Variants in DENND2C observed in about 807,000 individuals in gnomAD.
DENND2C encodes DENN domain containing 2C, also known as DENN domain-containing protein 2C.
In DENND2C, 72 loss-of-function variants were observed where a neutral mutation model predicts 112.4. That is an observed-to-expected ratio of 0.64 (90% confidence interval 0.53 to 0.78). The LOEUF is 0.78. Among genes scored for constraint, DENND2C ranks in the 30% least tolerant of loss-of-function variants. The pLI, the probability that DENND2C is intolerant of heterozygous loss-of-function variation, is 0.00. For missense variants in DENND2C, 992 were observed against 1,113.8 expected, an observed-to-expected ratio of 0.89 and a Z score of 1.56; for synonymous variants, 329 against 381.6, an observed-to-expected ratio of 0.86 and a Z score of 1.61.
chr1:114,587,500 A>C (rs1655070225), intron 19 of DENND2C, 27 bp from the exon 20 acceptor site: 1 of 1,610,566 alleles, frequency 6.2e-7, no homozygotes, highest in African/African-American at 1.3e-5. Flanking sequence ...ATGTTGGTGA[A>C]ACTGTGTAAC....
At chr1:114,633,870 G>T (rs1039816409) in intron 3 of DENND2C, among the ~76,000 whole-genome samples, 1 of 152,126 alleles carries the variant, frequency 6.6e-6, no homozygotes, top group Non-Finnish European at 1.5e-5. Flanking sequence ...TAAAAAGCAA[G>T]ACCTAACTCT....
rs901256345 is a variant in DENND2C, at chr1:114,584,812, C to G, written c.*788G>C. 1.3e-5 allele frequency: 2 copies of G among 151,954 alleles called. No homozygotes were observed. The highest frequency in any genetic ancestry group is 4.8e-5 in the African/African-American group (2 of 41,356). The allele number at this position is 151,954 out of a possible 1,614,324, so 9.4% of individuals were successfully genotyped here. A position where few individuals can be genotyped will look rare whatever the true frequency, so the allele number is the denominator to read the frequency against. ...GTAGAGATGGGATCTTGCTATGTTGCCCAGGCTAGTCTCAAACTCCCACCC... is the reference window on the plus strand; with the variant it reads ...GTAGAGATGGGATCTTGCTATGTTGGCCAGGCTAGTCTCAAACTCCCACCC... On this transcript the variant is annotated 3_prime_UTR_variant, in exon 21 of 21. Transcript: ENST00000393274.
chr1:114,647,528 T>C (rs996911668), intron 2 of DENND2C, among the ~76,000 whole-genome samples: 1 of 152,166 alleles, frequency 6.6e-6, no homozygotes, highest in Admixed American at 6.6e-5. Flanking sequence ...GGCTTCTAAA[T>C]CACTTCTTTA....
At chr1:114,669,112 T>C (rs188785893) in intron 1 of DENND2C, among the ~76,000 whole-genome samples, 314 of 152,318 alleles carry the variant, frequency 2.1e-3, no homozygotes, top group African/African-American at 7.1e-3. Context: ...TCACTTTATC[T>C]AAAACACTGC....
At chr1:114,642,312 T>C (rs1186011758) in intron 3 of DENND2C, among the ~76,000 whole-genome samples, 2 of 152,184 alleles carry the variant, frequency 1.3e-5, no homozygotes, top group Non-Finnish European at 2.9e-5. Context: ...TCTATACTCC[T>C]TAATATGACA....
intron 18 of DENND2C, among the ~76,000 whole-genome samples, chr1:114,589,211 C>G (rs557101917): frequency 6.6e-6 from 1 of 152,104 alleles, no homozygotes; most frequent in African/African-American, 2.4e-5. Flanking sequence ...ATATCCAAAT[C>G]GTCTTTTTCC....
intron 11 of DENND2C, among the ~76,000 whole-genome samples, chr1:114,602,819 C>T (rs1655549820): frequency 6.6e-6 from 1 of 152,156 alleles, no homozygotes; most frequent in Non-Finnish European, 1.5e-5. Flanking sequence ...CTGTCTCAGC[C>T]TCCCAAAGTG....
chr1:114,589,432 A>G (rs540540864), intron 18 of DENND2C, among the ~76,000 whole-genome samples: 57 of 152,264 alleles, frequency 3.7e-4, no homozygotes, highest in African/African-American at 1.3e-3. Context: ...TTTTGACTGT[A>G]ATCTAGGTTT....
rs141358074 is a variant in DENND2C at position 114,587,209 on chromosome 1, G to C, written c.2755+178C>G. On this transcript the variant is annotated intron_variant, in intron 20 of 20. Coordinates refer to ENST00000393274, the MANE Select transcript of DENND2C (RefSeq NM_001256404.2). ...AAGCCACCATGCCCAACCATGCCCA[G>C]CTAATTTTAAAATTTTGTGTAGGGA... 95 of 674,356 alleles carry C rather than the reference G, an allele frequency of 1.4e-4. No individual in the cohort carries two copies. The African/African-American group carries it at 1.6e-3, about 11-fold the overall frequency. 41.8% of individuals were successfully genotyped at this position (674,356 alleles called of 1,614,324 possible).
Position 114,625,798 on chromosome 1 carries a change from T to C in DENND2C, c.187A>G (p.Ile63Val), listed in dbSNP as rs1213632015. The C allele has an allele frequency of 2.5e-6, 4 of 1,614,056 alleles. No individual in the cohort carries two copies. In the Admixed American group the frequency reaches 5.0e-5, roughly 20 times the overall value. Residue 63 changes from isoleucine (I) to valine (V), a missense_variant, in exon 4 of 21, where the codon ATA becomes GTA. Coordinates refer to ENST00000393274, the MANE Select transcript of DENND2C (RefSeq NM_001256404.2). ...HQEIRLKKNPIAERKSKNLDV... is the reference protein window; with the variant it reads ...HQEIRLKKNPVAERKSKNLDV... ...AAGTTTTTGCTCTTTCTCTCAGCTA[T>C]AGGATTTTTCTTAAGACGGATCTCT...
At chr1:114,604,030 A>G (rs528516201) in intron 11 of DENND2C, among the ~76,000 whole-genome samples, 1 of 152,256 alleles carries the variant, frequency 6.6e-6, no homozygotes, top group Admixed American at 6.5e-5. Flanking sequence ...TGTTGTGGGG[A>G]AAAGCCAGCC....
intron 1 of DENND2C, among the ~76,000 whole-genome samples, chr1:114,663,951 C>CTTTTTT (rs538184910): frequency 3.0e-4 from 39 of 130,994 alleles, no homozygotes; most frequent in Non-Finnish European, 3.6e-4. Flanking sequence ...TACTGCTATT[C>CTTTTTT]TTTTTTTTTT....
chr1:114,632,263 T>A (rs543055931), intron 3 of DENND2C, among the ~76,000 whole-genome samples: 2 of 151,878 alleles, frequency 1.3e-5, no homozygotes, highest in African/African-American at 4.8e-5. Flanking sequence ...CAGATGAAAA[T>A]TTTCTAAATT....
chr1:114,600,077 C>CTGCACGTTG, intron 15 of DENND2C, 127 bp downstream of exon 15: 1 of 1,030,888 alleles, frequency 9.7e-7, no homozygotes, highest in East Asian at 2.7e-5. Context: ...TGTAATGAAC[C>CTGCACGTTG]TGCACGTTGT....
intron 4 of DENND2C, among the ~76,000 whole-genome samples, chr1:114,624,508 T>C (rs1485045223): frequency 6.6e-6 from 1 of 151,788 alleles, no homozygotes; most frequent in African/African-American, 2.4e-5. Flanking sequence ...TGTTGCCCTG[T>C]CTAGTGTTTG....
chr1:114,625,701 T>C lies in DENND2C; in HGVS notation c.284A>G (p.Asn95Ser). 1 of 1,614,118 alleles carries C rather than the reference T, an allele frequency of 6.2e-7. No individual in the cohort carries two copies. Among genetic ancestry groups the C allele is most frequent in the Non-Finnish European group, 8.5e-7 (1 of 1,180,012 alleles). Residue 95 changes from asparagine to serine, a missense_variant, in exon 4 of 21, where the codon AAT becomes AGT. Around this residue, in one of 3 missense-constraint regions of DENND2C, gnomAD observed 470 missense variants for 472.7 expected, o/e 0.99. Transcript: ENST00000393274. The stretch of plus-strand genomic sequence containing the variant: ...GTCATATTCATGTTTCTTATTTTCA[T>C]TCTCACTTTGATCATGGCTTTTGGT... ...ENTKSHDQSE[N>S]ENKKHEYDDT...
chr1:114,667,239 T>C (rs990184830), intron 1 of DENND2C, among the ~76,000 whole-genome samples: 20 of 152,170 alleles, frequency 1.3e-4, no homozygotes, highest in Non-Finnish European at 2.5e-4. Context: ...GTGGTTAAAT[T>C]CTATCTATAC....
rs1655285861 is a variant in DENND2C, at chr1:114,594,470, T to C, written c.2431+3A>G. On this transcript the variant is annotated splice_donor_region_variant and intron_variant, in intron 18 of 20. Transcript: ENST00000393274. ...TTAAGTCCTTGGCTCACTTGTCTCA[T>C]ACCTTGTGAAAAATTCTGCTCCTGA... The C allele has an allele frequency of 6.2e-7, 1 of 1,612,810 alleles. No individual in the cohort carries two copies. Among genetic ancestry groups the C allele is most frequent in the Non-Finnish European group, 8.5e-7 (1 of 1,178,856 alleles).
intron 16 of DENND2C, among the ~76,000 whole-genome samples, chr1:114,598,118 A>C (rs1327863390): frequency 6.6e-6 from 1 of 152,222 alleles, no homozygotes; most frequent in Non-Finnish European, 1.5e-5. Context: ...TCAGCAATTC[A>C]ATTTCCAAGT....
Sources: gnomAD v4.1 joint callset for allele counts (sites outside exome capture counted in the v4.1 genomes callset) on GRCh38, gnomAD v4.1.1 for gene constraint, gnomAD v4.1.1 regional missense constraint, MANE v1.5 for transcripts, NCBI Gene and HGNC (gene_info 2026-07-23, HGNC 2026-07-21) for gene names.